Variants in GNG10 observed in about 807,000 individuals in gnomAD.
The protein encoded by GNG10 is G protein subunit gamma 10.
GNG10 carries 7 observed loss-of-function variants against 6.8 expected under a neutral mutation model. The observed-to-expected ratio is 1.02, with a 90% confidence interval of 0.58 to 1.92. GNG10 has a LOEUF of 1.92. Ranked by LOEUF, GNG10 falls within the 30% of genes most tolerant of loss-of-function variation. The pLI, the probability that GNG10 is intolerant of heterozygous loss-of-function variation, is 0.00. For missense variants in GNG10, 57 were observed against 86.1 expected (o/e 0.66, Z 1.34); for synonymous variants, 28 against 34.8 (o/e 0.80, Z 0.69).
chr9:111,664,453 A>T (rs1830869688), intron 1 of GNG10, among the ~76,000 whole-genome samples: 1 of 152,140 alleles, frequency 6.6e-6, no homozygotes, highest in African/African-American at 2.4e-5. Context: ...ATTTTCTAGC[A>T]TATAATAGAG....
chr9:111,661,720 G>T lies in GNG10; in HGVS notation c.81+5G>T. The T allele has an allele frequency of 7.5e-7, 1 of 1,340,774 alleles. No individual in the cohort carries two copies. Among genetic ancestry groups the T allele is most frequent in the Non-Finnish European group, 9.8e-7 (1 of 1,024,230 alleles). The allele number at this position is 1,340,774 out of a possible 1,614,324, so 83.1% of individuals were successfully genotyped here. On this transcript the variant is annotated splice_donor_5th_base_variant and intron_variant, in intron 1 of 2. Coordinates refer to ENST00000374293, the MANE Select transcript of GNG10 (RefSeq NM_001017998.4). This position sits in a 1 kb window ranked among gnomAD's most constrained non-coding sequence, Gnocchi z 6.1. ...GCTGGCGTGGAGAGGATCAAGGTGCGGGCCCCGGGTACCCACGCTCCGGTC... is the reference window on the plus strand; with the variant it reads ...GCTGGCGTGGAGAGGATCAAGGTGCTGGCCCCGGGTACCCACGCTCCGGTC...
chr9:111,668,151 G>T (rs781705239), intron 2 of GNG10, among the ~76,000 whole-genome samples: 1 of 152,142 alleles, frequency 6.6e-6, no homozygotes, highest in African/African-American at 2.4e-5. Context: ...GATTACAGGC[G>T]TGACACAATG....
rs1238284406 is a variant in GNG10 at position 111,663,190 on chromosome 9, GA to G, written c.81+1476del. 2.0e-5 allele frequency among the ~76,000 whole-genome samples: 3 copies of G among 152,324 alleles called. 1 individual carries two copies. In the East Asian group the frequency reaches 5.8e-4, roughly 29 times the overall value. On this transcript the variant is annotated intron_variant, in intron 1 of 2. Transcript: ENST00000374293. ...TAAGGCAGAGGAAAGGGGACTAAGG[GA>G]GTGGCCCCTGAGCAGGCACGCAGAT...
chr9:111,666,593 G>A (rs1206734142), intron 1 of GNG10, among the ~76,000 whole-genome samples: 2 of 152,126 alleles, frequency 1.3e-5, no homozygotes, highest in African/African-American at 2.4e-5. Flanking sequence ...TCTTGTCTTC[G>A]TTGAATAAGC....
chr9:111,665,350 T>C lies in GNG10; in HGVS notation c.82-1465T>C, dbSNP rs73539355. Among the ~76,000 whole-genome samples, 1,082 of 152,254 alleles carry C rather than the reference T, an allele frequency of 7.1e-3. 14 individuals carry two copies. Among genetic ancestry groups the C allele is most frequent in the African/African-American group, 0.025 (1,035 of 41,552 alleles). On this transcript the variant is annotated intron_variant, in intron 1 of 2. Transcript: ENST00000374293. ...TGCTGCCTGACAAACCACCCCAAAA[T>C]TTAGTGGCTTAAAAGATTTATACTC...
intron 2 of GNG10, among the ~76,000 whole-genome samples, chr9:111,667,985 T>C (rs2131282949): frequency 6.6e-6 from 1 of 152,204 alleles, no homozygotes; most frequent in African/African-American, 2.4e-5. Flanking sequence ...GCCACCCGAG[T>C]AGCTGGGATT....
At position 111,661,805 on chromosome 9, in the gene GNG10, G is replaced by T. The variant is rs1352627638; in HGVS notation, c.81+90G>T. The T allele has an allele frequency of 4.1e-6, 3 of 730,440 alleles. No individual in the cohort carries two copies. The highest frequency in any genetic ancestry group is 5.7e-5 in the South Asian group (1 of 17,524). The allele number at this position is 730,440 out of a possible 1,614,324, so 45.2% of individuals were successfully genotyped here. A position where few individuals can be genotyped will look rare whatever the true frequency, so the allele number is the denominator to read the frequency against. ...CGGCCCGGACCGGGCGCCAGCGGGG[G>T]ACTCGGTGGCGGCGGCGAGGCCTCG... On this transcript the variant is annotated intron_variant, in intron 1 of 2. Transcript: ENST00000374293. This position sits in a 1 kb window ranked among gnomAD's most constrained non-coding sequence, Gnocchi z 6.1.
At chr9:111,668,318 C>A (rs1189432821) in intron 2 of GNG10, among the ~76,000 whole-genome samples, 1 of 152,142 alleles carries the variant, frequency 6.6e-6, no homozygotes, top group Non-Finnish European at 1.5e-5. Context: ...AAGAAGGAAG[C>A]AATCTATCAA....
intron 2 of GNG10, among the ~76,000 whole-genome samples, chr9:111,667,567 T>C (rs1270360937): frequency 6.6e-6 from 1 of 152,098 alleles, no homozygotes; most frequent in Non-Finnish European, 1.5e-5. Flanking sequence ...TCTCTGTCCT[T>C]ATAGCATCCA....
At chr9:111,665,146 A>G (rs925104887) in intron 1 of GNG10, among the ~76,000 whole-genome samples, 1 of 152,242 alleles carries the variant, frequency 6.6e-6, no homozygotes, top group African/African-American at 2.4e-5. Context: ...GAAAATTAAC[A>G]CAAACTAGTA....
At chr9:111,668,935 CAA>C (rs1830956013) in intron 2 of GNG10, among the ~76,000 whole-genome samples, 1 of 152,078 alleles carries the variant, frequency 6.6e-6, no homozygotes, top group Non-Finnish European at 1.5e-5. Context: ...CAGCTCACCA[CAA>C]CCTCTGCCTC....
chr9:111,664,040 G>A (rs1589355617), intron 1 of GNG10, among the ~76,000 whole-genome samples: 1 of 136,940 alleles, frequency 7.3e-6, no homozygotes, highest in Non-Finnish European at 1.6e-5. Flanking sequence ...TCACCATATT[G>A]GCCAGGCTGG....
chr9:111,667,669 G>A (rs766029050), intron 2 of GNG10, among the ~76,000 whole-genome samples: 9 of 152,146 alleles, frequency 5.9e-5, no homozygotes, highest in East Asian at 1.9e-4. Flanking sequence ...CCTACCACCC[G>A]CTGTGATTTC....
At chr9:111,664,365 T>G (rs12376497) in intron 1 of GNG10, among the ~76,000 whole-genome samples, 57,875 of 151,998 alleles carry the variant, frequency 0.38, 11,956 homozygotes, top group African/African-American at 0.54. Context: ...TCCTCATTCA[T>G]TGTTGGATGT....
rs768611495 is a variant in GNG10 at position 111,666,864 on chromosome 9, G to T, written c.131G>T (p.Cys44Phe). 6.2e-7 allele frequency: 1 copy of T among 1,613,850 alleles called. No homozygotes were observed. The change falls in exon 2 of 3, where the codon TGC becomes TTC. Residue 44 changes from cysteine to phenylalanine, a missense_variant. Coordinates refer to ENST00000374293, the MANE Select transcript of GNG10 (RefSeq NM_001017998.4). ...CAACAGTACTGTATGCAGAATGCCT[G>T]CAAGGATGCCCTGCTGGTGGGTGTT... ...ELQQYCMQNA[C>F]KDALLVGVPA... is the part of the protein sequence containing the mutation.
chr9:111,661,706 G>A lies in GNG10; in HGVS notation c.72G>A (p.Glu24=), dbSNP rs1233903181. ...VEQLKLEAGV[E]RIKVSQAAAE... The stretch of plus-strand genomic sequence containing the variant: ...AGCTCAAGTTGGAGGCTGGCGTGGA[G>A]AGGATCAAGGTGCGGGCCCCGGGTA... Residue 24 remains glutamate, a synonymous_variant, in exon 1 of 3, where the codon GAG becomes GAA. Transcript: ENST00000374293. This position sits in a 1 kb window ranked among gnomAD's most constrained non-coding sequence, Gnocchi z 6.1. The A allele has an allele frequency of 7.3e-7, 1 of 1,368,686 alleles. No homozygotes were observed. The highest frequency in any genetic ancestry group is 2.4e-5 in the Admixed American group (1 of 41,618). The allele number at this position is 1,368,686 out of a possible 1,614,324, so 84.8% of individuals were successfully genotyped here.
chr9:111,662,027 C>A (rs1052535844), intron 1 of GNG10, among the ~76,000 whole-genome samples: 111 of 151,280 alleles, frequency 7.3e-4, no homozygotes, highest in African/African-American at 2.7e-3. Context: ...ACGCGCGGGC[C>A]GGGAGGGTGG....
Position 111,666,962 on chromosome 9 carries a change from C to G in GNG10, c.*6+16C>G. 1 of 1,613,618 alleles carries G rather than the reference C, an allele frequency of 6.2e-7. No individual in the cohort carries two copies. Among genetic ancestry groups the G allele is most frequent in the Non-Finnish European group, 8.5e-7 (1 of 1,179,702 alleles). On this transcript the variant is annotated intron_variant, in intron 2 of 2. Transcript: ENST00000374293. ...CTGAAGACTCGTGAGTAATGATACACCATGATGTCTTGGGCCCATAGCATT... is the reference window on the plus strand; with the variant it reads ...CTGAAGACTCGTGAGTAATGATACAGCATGATGTCTTGGGCCCATAGCATT...
Position 111,665,785 on chromosome 9 carries a change from G to C in GNG10, c.82-1030G>C, listed in dbSNP as rs1830886604. On this transcript the variant is annotated intron_variant, in intron 1 of 2. Coordinates refer to ENST00000374293, the MANE Select transcript of GNG10 (RefSeq NM_001017998.4). ...CTTGTCACCCAGCTTGGAGTGCAAT[G>C]GTGCGATCTCGGCTCACTGAAACCT... Among the ~76,000 whole-genome samples, 6 of 151,924 alleles carry C rather than the reference G, an allele frequency of 3.9e-5. No homozygotes were observed. In the South Asian group the frequency reaches 1.2e-3, roughly 32 times the overall value.
Sources: allele counts gnomAD v4.1 joint callset (sites outside exome capture counted in the v4.1 genomes callset), GRCh38; gene constraint gnomAD v4.1.1; non-coding constraint Gnocchi (gnomAD v3.1); transcripts MANE v1.5; gene names NCBI Gene and HGNC (gene_info 2026-07-23, HGNC 2026-07-21).